MAPKAPK5: variants seen among roughly 807,000 people sequenced by gnomAD.
The protein encoded by MAPKAPK5 is MAP kinase-activated protein kinase 5.
MAPKAPK5 carries 30 observed loss-of-function variants against 65.1 expected under a neutral mutation model. The observed-to-expected ratio is 0.46, with a 90% CI of 0.34 to 0.63. The LOEUF (loss-of-function observed/expected upper bound fraction) is 0.63, where lower values mean the gene tolerates loss of function less well. MAPKAPK5 is among the 20% of genes least tolerant of loss of function. The probability of loss-of-function intolerance (pLI) is 0.01; values close to 1 mark genes in which losing one functional copy is unlikely to be tolerated. For missense variants in MAPKAPK5, 433 were observed against 581.4 expected, an observed-to-expected ratio of 0.74 and a Z score of 2.63; for synonymous variants, 179 against 204.6, an observed-to-expected ratio of 0.87 and a Z score of 1.07.
At chr12:111,889,990 C>A in intron 12 of MAPKAPK5, 50 bp from the exon 13 acceptor site, 1 of 1,174,484 alleles carries the variant, frequency 8.5e-7, no homozygotes, top group Non-Finnish European at 1.2e-6. Flanking sequence ...ACACTAAAAC[C>A]CCATGATGCT....
chr12:111,844,348 A>C (rs1243898773), intron 1 of MAPKAPK5, among the ~76,000 whole-genome samples: 2 of 151,106 alleles, frequency 1.3e-5, no homozygotes, highest in African/African-American at 4.9e-5. Flanking sequence ...GTGCCACCAC[A>C]CCCAGCTAAT....
intron 7 of MAPKAPK5, among the ~76,000 whole-genome samples, chr12:111,875,844 T>G (rs2069944912): frequency 6.6e-6 from 1 of 152,122 alleles, no homozygotes. Context: ...CCATCTCTCC[T>G]TGGAAGGGCC....
intron 7 of MAPKAPK5, among the ~76,000 whole-genome samples, chr12:111,871,622 G>A (rs1341803745): frequency 3.3e-5 from 5 of 152,076 alleles, no homozygotes; most frequent in Non-Finnish European, 5.9e-5. Flanking sequence ...TAGCTTGGGC[G>A]ACAGAGCGAG....
At chr12:111,843,390 C>T in intron 1 of MAPKAPK5, 1 of 396,416 alleles carries the variant, frequency 2.5e-6, no homozygotes. Context: ...AATGTGTGTT[C>T]GAAAATTACA....
Position 111,899,771 on chromosome 12 carries a change from ATCC to A in MAPKAPK5, c.*6715_*6717del, listed in dbSNP as rs2070958514. 5.3e-6 allele frequency: 2 copies of A among 374,488 alleles called. No individual in the cohort carries two copies. The highest frequency in any genetic ancestry group is 3.9e-5 in the South Asian group (2 of 51,162). 23.2% of individuals were successfully genotyped at this position (374,488 alleles called of 1,614,324 possible). The stretch of plus-strand genomic sequence containing the variant: ...ACATCTGTGCAGGTCTCAGGGGCAC[ATCC>A]TCCTGATTAAGGAGGAAAAATCTTA... On this transcript the variant is annotated 3_prime_UTR_variant, in exon 14 of 14. Coordinates refer to ENST00000550735, the MANE Select transcript of MAPKAPK5 (RefSeq NM_003668.4).
At position 111,893,113 on chromosome 12, in the gene MAPKAPK5, G is replaced by A. The variant is rs1430794962; in HGVS notation, c.*52G>A. On this transcript the variant is annotated 3_prime_UTR_variant, in exon 14 of 14. Coordinates refer to ENST00000550735, the MANE Select transcript of MAPKAPK5 (RefSeq NM_003668.4). ...ACAATTTGAAAAATTATTCTTTAAT[G>A]TATAAAGTAATTTTATGTAAATTAA... 3.2e-6 allele frequency: 4 copies of A among 1,244,190 alleles called. No homozygotes were observed. Among genetic ancestry groups the A allele is most frequent in the East Asian group, 5.2e-5 (2 of 38,344 alleles). The allele number at this position is 1,244,190 out of a possible 1,614,324, so 77.1% of individuals were successfully genotyped here.
chr12:111,866,881 C>T (rs892222896), intron 3 of MAPKAPK5, among the ~76,000 whole-genome samples: 4 of 152,112 alleles, frequency 2.6e-5, no homozygotes, highest in Admixed American at 6.5e-5. Flanking sequence ...GGATTACAGG[C>T]GTGAGCCACT....
At position 111,865,242 on chromosome 12, in the gene MAPKAPK5, A is replaced by G. The variant is rs772568207; in HGVS notation, c.37-8A>G. ...TTCTCTGTCCTCTCCCTTTTTTTAT[A>G]TTAATAGGAAACTTCCATTTTAGAA... On this transcript the variant is annotated splice_region_variant and splice_polypyrimidine_tract_variant and intron_variant, in intron 1 of 13. Transcript: ENST00000550735. The G allele has an allele frequency of 6.5e-7, 1 of 1,546,560 alleles. No individual in the cohort carries two copies. Among genetic ancestry groups the G allele is most frequent in the Non-Finnish European group, 8.8e-7 (1 of 1,138,190 alleles).
In MAPKAPK5 at chr12:111,865,517, G is replaced by A. The variant is rs144641207; in HGVS notation, c.110+194G>A. ...GGAATTAGTTAAGAGTGACTGAGTC[G>A]CATGGTCTTTTTATAGAGTCATTTA... On this transcript the variant is annotated intron_variant, in intron 2 of 13. Transcript: ENST00000550735. Among the ~76,000 whole-genome samples the A allele has an allele frequency of 1.8e-4, 27 of 152,118 alleles. No homozygotes were observed. In the East Asian group the frequency reaches 2.9e-3, roughly 16 times the overall value.
At position 111,901,793 on chromosome 12, in the gene MAPKAPK5, G is replaced by A; in HGVS notation, c.*8732G>A. ...ATGTTTGGTGAAGTAGAAATAGATA[G>A]CTTTAGTGGCTCTGACTCAGATATA... On this transcript the variant is annotated 3_prime_UTR_variant, in exon 14 of 14. Coordinates refer to ENST00000550735, the MANE Select transcript of MAPKAPK5 (RefSeq NM_003668.4). 1 of 174,164 alleles carries A rather than the reference G, an allele frequency of 5.7e-6. No individual in the cohort carries two copies. The highest frequency in any genetic ancestry group is 1.2e-5 in the Non-Finnish European group (1 of 81,232). 10.8% of individuals were successfully genotyped at this position (174,164 alleles called of 1,614,324 possible). A position where few individuals can be genotyped will look rare whatever the true frequency, so the allele number is the denominator to read the frequency against.
chr12:111,842,805 C>T, intron 1 of MAPKAPK5, 36 bp downstream of exon 1: 1 of 1,302,914 alleles, frequency 7.7e-7, no homozygotes. Context: ...CCCGCGTTGT[C>T]CTGTGGCGTT....
intron 8 of MAPKAPK5, among the ~76,000 whole-genome samples, chr12:111,882,016 G>GT (rs1426896574): frequency 2.6e-5 from 4 of 152,188 alleles, no homozygotes; most frequent in African/African-American, 9.7e-5. Context: ...TTCCACCCCT[G>GT]TAATTTTATT....
At chr12:111,872,859 C>T (rs533461414) in intron 7 of MAPKAPK5, among the ~76,000 whole-genome samples, 1 of 152,208 alleles carries the variant, frequency 6.6e-6, no homozygotes, top group South Asian at 2.1e-4. Flanking sequence ...AGATAACTCC[C>T]CATTTTAAGA....
At chr12:111,888,274 AGTT>A (rs1395853765) in intron 10 of MAPKAPK5, 12 of 492,004 alleles carry the variant, frequency 2.4e-5, no homozygotes, top group African/African-American at 3.9e-5. Flanking sequence ...AAGAAGGGCT[AGTT>A]GTTGTGTGAC....
In MAPKAPK5 at chr12:111,896,121, A is replaced by G. The variant is rs2070804666; in HGVS notation, c.*3060A>G. On this transcript the variant is annotated 3_prime_UTR_variant, in exon 14 of 14. Coordinates refer to ENST00000550735, the MANE Select transcript of MAPKAPK5 (RefSeq NM_003668.4). ...TTCTTCTTTAGAGGAATATTCTAGC[A>G]TATCCATTATATCCATAACTTCTTA... 2 of 152,196 alleles carry G rather than the reference A, an allele frequency of 1.3e-5. No homozygotes were observed. Among genetic ancestry groups the G allele is most frequent in the Non-Finnish European group, 2.9e-5 (2 of 68,034 alleles). 9.4% of individuals were successfully genotyped at this position (152,196 alleles called of 1,614,324 possible).
At chr12:111,869,682 A>C (rs894151809) in intron 5 of MAPKAPK5, among the ~76,000 whole-genome samples, 3 of 152,206 alleles carry the variant, frequency 2.0e-5, no homozygotes, top group Admixed American at 6.5e-5. Flanking sequence ...GATTTTTAAA[A>C]TTATACCTTT....
At chr12:111,850,274 G>A (rs898240198) in intron 1 of MAPKAPK5, among the ~76,000 whole-genome samples, 1 of 152,148 alleles carries the variant, frequency 6.6e-6, no homozygotes, top group African/African-American at 2.4e-5. Flanking sequence ...TGATCTGCCT[G>A]CATCGGCCTC....
At chr12:111,876,351 A>T (rs1373399492) in intron 7 of MAPKAPK5, among the ~76,000 whole-genome samples, 1 of 152,042 alleles carries the variant, frequency 6.6e-6, no homozygotes, top group East Asian at 1.9e-4. Flanking sequence ...TATTATGCTT[A>T]TATAAAACCT....
chr12:111,856,643 G>T (rs1046708452), intron 1 of MAPKAPK5, among the ~76,000 whole-genome samples: 1 of 152,020 alleles, frequency 6.6e-6, no homozygotes, highest in Non-Finnish European at 1.5e-5. Flanking sequence ...CTGACCTCAG[G>T]TGATCCACCT....
Sources: gnomAD v4.1 joint callset for allele counts (sites outside exome capture counted in the v4.1 genomes callset) on GRCh38, gnomAD v4.1.1 for gene constraint, MANE v1.5 for transcripts, NCBI Gene and HGNC (gene_info 2026-07-23, HGNC 2026-07-21) for gene names.